HYCC2: variants seen among roughly 807,000 people sequenced by gnomAD.
HYCC2 encodes the protein hyccin PI4KA lipid kinase complex subunit 2.
the HYCC2 span, among the ~76,000 whole-genome samples, chr2:201,001,371 G>A: frequency 6.6e-6 from 1 of 152,042 alleles, no homozygotes; most frequent in Non-Finnish European, 1.5e-5. Flanking sequence ...TGTTATAGCA[G>A]CCCAAATAGA....
chr2:201,058,286 T>G, the HYCC2 span, among the ~76,000 whole-genome samples: 1 of 152,204 alleles, frequency 6.6e-6, no homozygotes, highest in African/African-American at 2.4e-5. Flanking sequence ...TCATAAACTT[T>G]GATAAGAAGA....
At chr2:201,062,962 T>A in the HYCC2 span, 3 of 1,145,638 alleles carry the variant, frequency 2.6e-6, no homozygotes, top group Non-Finnish European at 3.8e-6. Flanking sequence ...CTGCTGCTGC[T>A]GCTGCTATTA....
the HYCC2 span, chr2:201,064,067 T>C: frequency 6.3e-7 from 1 of 1,582,388 alleles, no homozygotes; most frequent in Non-Finnish European, 8.6e-7. Flanking sequence ...AAACAAAGCT[T>C]AGCAGGAGAG....
chr2:201,007,480 G>A, the HYCC2 span, among the ~76,000 whole-genome samples: 1 of 152,186 alleles, frequency 6.6e-6, no homozygotes, highest in Non-Finnish European at 1.5e-5. Context: ...TTGAAGTACA[G>A]TTTTTATTGA....
the HYCC2 span, among the ~76,000 whole-genome samples, chr2:201,043,841 T>G: frequency 5.3e-5 from 8 of 152,118 alleles, no homozygotes; most frequent in African/African-American, 1.9e-4. Context: ...ACAGCACTCT[T>G]AGTACATAGA....
the HYCC2 span, among the ~76,000 whole-genome samples, chr2:201,031,768 A>G: frequency 6.6e-6 from 1 of 152,180 alleles, no homozygotes; most frequent in African/African-American, 2.4e-5. Context: ...TTAGAATATG[A>G]TATTAGATTA....
the HYCC2 span, among the ~76,000 whole-genome samples, chr2:201,045,125 C>A: frequency 6.6e-6 from 1 of 152,154 alleles, no homozygotes; most frequent in Non-Finnish European, 1.5e-5. Flanking sequence ...CAGAGCTGCA[C>A]TGACTAAAAT....
chr2:201,054,965 T>A, the HYCC2 span, among the ~76,000 whole-genome samples: 1 of 152,168 alleles, frequency 6.6e-6, no homozygotes, highest in Non-Finnish European at 1.5e-5. Flanking sequence ...GTACCTAGCC[T>A]ATGTTGAATT....
the HYCC2 span, among the ~76,000 whole-genome samples, chr2:201,048,390 A>ATC: frequency 6.6e-6 from 1 of 152,176 alleles, no homozygotes. Flanking sequence ...ATATTACAGT[A>ATC]TATAGACCAA....
chr2:201,026,565 T>C, the HYCC2 span, among the ~76,000 whole-genome samples: 6 of 152,344 alleles, frequency 3.9e-5, no homozygotes, highest in East Asian at 1.9e-4. Flanking sequence ...TAGTTGGAAG[T>C]AAAGCTCTCC....
the HYCC2 span, chr2:200,980,875 G>A: frequency 3.7e-5 from 7 of 188,950 alleles, no homozygotes; most frequent in East Asian, 2.6e-4. Context: ...GAACAAACCC[G>A]TTTTGTTTTT....
chr2:201,017,199 T>C, the HYCC2 span: 1 of 1,560,126 alleles, frequency 6.4e-7, no homozygotes, highest in Non-Finnish European at 8.7e-7. Flanking sequence ...GCACTGGTCA[T>C]TTCAATTCTT....
At chr2:201,016,994 A>T in the HYCC2 span, 1 of 1,611,822 alleles carries the variant, frequency 6.2e-7, no homozygotes, top group Non-Finnish European at 8.5e-7. Context: ...AACTTACCAA[A>T]TTGTAAATTC....
At chr2:201,025,389 C>T in the HYCC2 span, among the ~76,000 whole-genome samples, 1 of 151,016 alleles carries the variant, frequency 6.6e-6, no homozygotes, top group Non-Finnish European at 1.5e-5. Flanking sequence ...TTTAATGAAC[C>T]ACTTATATAG....
chr2:200,995,850 A>C, the HYCC2 span, among the ~76,000 whole-genome samples: 1 of 152,172 alleles, frequency 6.6e-6, no homozygotes, highest in African/African-American at 2.4e-5. Flanking sequence ...ATTTGTAGCA[A>C]TTTATTATGC....
At chr2:201,030,298 C>G in the HYCC2 span, among the ~76,000 whole-genome samples, 1 of 151,970 alleles carries the variant, frequency 6.6e-6, no homozygotes, top group Non-Finnish European at 1.5e-5. Flanking sequence ...ACAAAAATAT[C>G]TATCTATAAA....
chr2:201,060,278 A>G, the HYCC2 span, among the ~76,000 whole-genome samples: 1 of 152,182 alleles, frequency 6.6e-6, no homozygotes, highest in Admixed American at 6.5e-5. Context: ...TCCATCCAAT[A>G]TAGATCCTTA....
At chr2:201,051,021 TTTCTC>T in the HYCC2 span, among the ~76,000 whole-genome samples, 1 of 152,118 alleles carries the variant, frequency 6.6e-6, no homozygotes, top group African/African-American at 2.4e-5. Flanking sequence ...CACACACTAA[TTTCTC>T]TTATGAACAC....
the HYCC2 span, chr2:200,973,777 A>C: frequency 6.6e-6 from 1 of 152,292 alleles, no homozygotes; most frequent in East Asian, 1.9e-4. Context: ...TTACACTCTT[A>C]ATGTAACTAG....
Sources: allele counts gnomAD v4.1 joint callset (sites outside exome capture counted in the v4.1 genomes callset), GRCh38; gene constraint gnomAD v4.1.1; transcripts MANE v1.5; gene names NCBI Gene and HGNC (gene_info 2026-07-23, HGNC 2026-07-21).